The following ANO3 variants were observed in gnomAD, a reference collection of about 807,000 sequenced individuals.
The protein encoded by ANO3 is anoctamin-3.
ANO3 carries 99 observed loss-of-function variants against 144.8 expected under a neutral mutation model. The ratio of observed to expected loss-of-function variants is 0.68; its 90% CI spans 0.58 to 0.81. The LOEUF (loss-of-function observed/expected upper bound fraction) is 0.81, where lower values mean the gene tolerates loss of function less well. Ranked by LOEUF, ANO3 falls within the 30% of genes least tolerant of loss-of-function variation. The pLI is 0.00. For missense variants in ANO3, 905 were observed against 1,202.2 expected (o/e 0.75, Z 3.66); for synonymous variants, 414 against 392.6 (o/e 1.05, Z -0.64).
intron 1 of ANO3, among the ~76,000 whole-genome samples, chr11:26,314,045 C>T (rs1214030904): frequency 1.3e-5 from 2 of 152,026 alleles, no homozygotes; most frequent in Non-Finnish European, 2.9e-5. Context: ...GAGAGGAATA[C>T]AGTGTTGTGG....
At chr11:26,281,571 C>T (rs1252423388) in intron 1 of ANO3, among the ~76,000 whole-genome samples, 1 of 152,092 alleles carries the variant, frequency 6.6e-6, no homozygotes, top group Non-Finnish European at 1.5e-5. Flanking sequence ...TAAATTTTGA[C>T]CCCACCCTAG....
intron 1 of ANO3, among the ~76,000 whole-genome samples, chr11:26,208,512 CAAAAA>C (rs67196052): frequency 0.37 from 44,978 of 121,664 alleles, 7,558 homozygotes; most frequent in Non-Finnish European, 0.42. Flanking sequence ...GACTCCGTCT[CAAAAA>C]AAAAAAAAAA....
intron 14 of ANO3, among the ~76,000 whole-genome samples, chr11:26,570,087 G>A (rs1850760119): frequency 2.0e-5 from 3 of 152,068 alleles, no homozygotes; most frequent in African/African-American, 7.2e-5. Flanking sequence ...CAGTTCCTTT[G>A]TGATACCTTA....
At chr11:26,520,157 A>G (rs535717158) in intron 6 of ANO3, among the ~76,000 whole-genome samples, 2 of 152,288 alleles carry the variant, frequency 1.3e-5, no homozygotes, top group South Asian at 4.1e-4. Flanking sequence ...TACATTAAAA[A>G]CATTCTCTTG....
chr11:26,256,766 T>A (rs930439626), intron 1 of ANO3, among the ~76,000 whole-genome samples: 1 of 152,166 alleles, frequency 6.6e-6, no homozygotes, highest in East Asian at 1.9e-4. Context: ...AAACTTCTAC[T>A]TTTACAGGGT....
chr11:26,391,237 G>A (rs964888875), intron 1 of ANO3, among the ~76,000 whole-genome samples: 6 of 152,018 alleles, frequency 3.9e-5, no homozygotes, highest in African/African-American at 7.2e-5. Context: ...ATCACATGAC[G>A]AAGGGGCTCA....
At chr11:26,538,179 T>C (rs116748865) in intron 10 of ANO3, among the ~76,000 whole-genome samples, 1 of 152,330 alleles carries the variant, frequency 6.6e-6, no homozygotes, top group Non-Finnish European at 1.5e-5. Flanking sequence ...GGCAGTGACG[T>C]AAATGTTTTA....
At chr11:26,265,166 T>A (rs1261060224) in intron 1 of ANO3, among the ~76,000 whole-genome samples, 1 of 152,182 alleles carries the variant, frequency 6.6e-6, no homozygotes, top group African/African-American at 2.4e-5. Flanking sequence ...TCATGGCTAA[T>A]CCCTAGAGAT....
chr11:26,347,790 T>C (rs1243174498), intron 1 of ANO3, among the ~76,000 whole-genome samples: 2 of 152,236 alleles, frequency 1.3e-5, no homozygotes, highest in African/African-American at 2.4e-5. Context: ...ATGATGTAGT[T>C]ACAAAACTAA....
chr11:26,379,745 A>G (rs1335276666), intron 1 of ANO3, among the ~76,000 whole-genome samples: 1 of 152,142 alleles, frequency 6.6e-6, no homozygotes, highest in Non-Finnish European at 1.5e-5. Flanking sequence ...TTGAGCAGAG[A>G]TCATGCCACT....
intron 4 of ANO3, among the ~76,000 whole-genome samples, chr11:26,492,689 G>A (rs1003389768): frequency 4.6e-5 from 7 of 152,084 alleles, no homozygotes; most frequent in African/African-American, 1.2e-4. Flanking sequence ...TAGATTTTGA[G>A]GCCATTTCTG....
chr11:26,414,797 C>T (rs72884582), intron 1 of ANO3, among the ~76,000 whole-genome samples: 8,254 of 150,782 alleles, frequency 0.055, 269 homozygotes, highest in African/African-American at 0.089. Flanking sequence ...AATTCATATC[C>T]GGTGCTAGAG....
intron 1 of ANO3, among the ~76,000 whole-genome samples, chr11:26,280,848 G>A (rs927647776): frequency 6.6e-6 from 1 of 152,182 alleles, no homozygotes; most frequent in Non-Finnish European, 1.5e-5. Context: ...GTTCTTGACA[G>A]GGAGAAGCCA....
chr11:26,237,007 T>C lies in ANO3; in HGVS notation c.154+47677T>C, dbSNP rs1852546674. 2.0e-5 allele frequency among the ~76,000 whole-genome samples: 3 copies of C among 152,112 alleles called. No individual in the cohort carries two copies. In the South Asian group the frequency reaches 6.2e-4, roughly 32 times the overall value. Reference sequence around the variant, plus strand: ...GTTTCAACTATTGAAGACTATCCTTTAGTGACTCCTCTGCCCCTCCTTCTC... The same window carrying C: ...GTTTCAACTATTGAAGACTATCCTTCAGTGACTCCTCTGCCCCTCCTTCTC... On this transcript the variant is annotated intron_variant, in intron 1 of 27. Transcript: ENST00000672621.
In ANO3 at chr11:26,547,568, C is replaced by T; in HGVS notation, c.1289+18C>T. 6.2e-7 allele frequency: 1 copy of T among 1,607,618 alleles called. No homozygotes were observed. The highest frequency in any genetic ancestry group is 8.5e-7 in the Non-Finnish European group (1 of 1,175,748). On this transcript the variant is annotated intron_variant, in intron 12 of 26. Coordinates refer to ENST00000256737, the MANE Select transcript of ANO3 (RefSeq NM_031418.4). ...CAAGTAAGGTAGGCTATTAAGAGAC[C>T]TATTAAAAATATTTGGCTTGTCTTC...
At chr11:26,201,196 T>A (rs1392152104) in intron 1 of ANO3, among the ~76,000 whole-genome samples, 1 of 152,142 alleles carries the variant, frequency 6.6e-6, no homozygotes, top group East Asian at 1.9e-4. Flanking sequence ...TTTTATCTTC[T>A]ATGCTGTAAA....
intron 1 of ANO3, among the ~76,000 whole-genome samples, chr11:26,289,654 T>A (rs201374902): frequency 5.9e-5 from 4 of 67,358 alleles, no homozygotes; most frequent in Non-Finnish European, 8.5e-5. Flanking sequence ...ACACATATAT[T>A]CTATATGTGT....
At chr11:26,300,542 A>G (rs540410068) in intron 1 of ANO3, among the ~76,000 whole-genome samples, 8 of 152,156 alleles carry the variant, frequency 5.3e-5, no homozygotes, top group Non-Finnish European at 1.2e-4. Flanking sequence ...TATTTTAGAG[A>G]TCAGTTTCAT....
At chr11:26,608,473 AG>A (rs971715689) in intron 17 of ANO3, among the ~76,000 whole-genome samples, 4 of 152,004 alleles carry the variant, frequency 2.6e-5, no homozygotes, top group African/African-American at 9.7e-5. Flanking sequence ...CCCTTGGTGG[AG>A]GGGGTGTGCT....
Sources: allele counts gnomAD v4.1 joint callset (sites outside exome capture counted in the v4.1 genomes callset), GRCh38; gene constraint gnomAD v4.1.1; transcripts MANE v1.5; gene names NCBI Gene and HGNC (gene_info 2026-07-23, HGNC 2026-07-21).